Variants in AFF4 observed in about 807,000 individuals in gnomAD.
AFF4 encodes AF4/FMR2 family member 4.
Under a neutral mutation model 124.8 loss-of-function variants are expected in AFF4, and 13 were observed. The ratio of observed to expected loss-of-function variants is 0.10; its 90% CI spans 0.07 to 0.17. The LOEUF is 0.17. Among genes scored for constraint, AFF4 ranks in the 10% least tolerant of loss-of-function variants. The pLI, the probability that AFF4 is intolerant of heterozygous loss-of-function variation, is 1.00. For synonymous variants in AFF4, 477 were observed against 496.1 expected (o/e 0.96, Z 0.51); for missense variants, 1,092 against 1,403.8 (o/e 0.78, Z 3.55).
intron 1 of AFF4, among the ~76,000 whole-genome samples, chr5:132,940,745 G>T (rs956589841): frequency 2.0e-5 from 3 of 152,104 alleles, no homozygotes; most frequent in African/African-American, 7.2e-5. Flanking sequence ...GTAATAATTA[G>T]GTCGGGTGCT....
At chr5:132,929,907 T>A (rs1274573915) in intron 4 of AFF4, among the ~76,000 whole-genome samples, 1 of 152,170 alleles carries the variant, frequency 6.6e-6, no homozygotes, top group Non-Finnish European at 1.5e-5. Flanking sequence ...GCCTCTGTTA[T>A]AATTACTGAA....
At chr5:132,936,955 T>C in intron 2 of AFF4, 112 bp downstream of exon 2, 1 of 1,363,944 alleles carries the variant, frequency 7.3e-7, no homozygotes, top group African/African-American at 1.5e-5. Flanking sequence ...AAAAAAATGT[T>C]AAGTGGTATT....
intron 1 of AFF4, among the ~76,000 whole-genome samples, chr5:132,941,426 G>A (rs112426356): frequency 0.026 from 3,922 of 152,048 alleles, 169 homozygotes; most frequent in African/African-American, 0.086. Context: ...CTCAGACTCC[G>A]AGGTTCAAAT....
rs1581304989 is a variant in AFF4 at position 132,920,412 on chromosome 5, A to G, written c.1050+6709T>C. 2.0e-5 allele frequency among the ~76,000 whole-genome samples: 3 copies of G among 147,466 alleles called. No homozygotes were observed. The East Asian group carries it at 6.0e-4, about 30-fold the overall frequency. ...CACTCTGTCACCTAGGCTGGAGTGC[A>G]GTGGCATAATCATGACTCACTGCAG... On this transcript the variant is annotated intron_variant, in intron 5 of 20. Transcript: ENST00000265343.
At chr5:132,935,578 C>CT (rs994952797) in intron 2 of AFF4, among the ~76,000 whole-genome samples, 2 of 152,094 alleles carry the variant, frequency 1.3e-5, no homozygotes, top group African/African-American at 4.8e-5. Context: ...GGAGACCAGC[C>CT]TGGCCAACAT....
At chr5:132,881,705 T>C (rs1026377218) in intron 20 of AFF4, among the ~76,000 whole-genome samples, 1 of 152,212 alleles carries the variant, frequency 6.6e-6, no homozygotes, top group Non-Finnish European at 1.5e-5. Context: ...TTTTCATTTA[T>C]TTTTAGACAG....
At chr5:132,957,520 G>T (rs1399268088) in intron 1 of AFF4, among the ~76,000 whole-genome samples, 1 of 152,054 alleles carries the variant, frequency 6.6e-6, no homozygotes, top group South Asian at 2.1e-4. Flanking sequence ...ATCACCTGAG[G>T]TCAGGAGTTC....
rs1018113501 is a variant in AFF4, at chr5:132,875,591, A to G, written c.*5468T>C. 2.6e-5 allele frequency: 5 copies of G among 193,632 alleles called. No individual in the cohort carries two copies. In the East Asian group the frequency reaches 3.3e-4, roughly 13 times the overall value. The allele number at this position is 193,632 out of a possible 1,614,324, so 12.0% of individuals were successfully genotyped here. A position where few individuals can be genotyped will look rare whatever the true frequency, so the allele number is the denominator to read the frequency against. On this transcript the variant is annotated 3_prime_UTR_variant, in exon 21 of 21. Coordinates refer to ENST00000265343, the MANE Select transcript of AFF4 (RefSeq NM_014423.4). ...ACATTAAACGCATGTTTGACACTCTAAACTTTCTATACTCTCAATACCACA... is the reference window on the plus strand; with the variant it reads ...ACATTAAACGCATGTTTGACACTCTGAACTTTCTATACTCTCAATACCACA...
rs35127440 is a variant in AFF4 at position 132,939,767 on chromosome 5, C to T, written c.-4-2574G>A. Among the ~76,000 whole-genome samples the T allele has an allele frequency of 6.5e-3, 992 of 152,306 alleles. 17 individuals are homozygous for T. The highest frequency in any genetic ancestry group is 0.01 in the Non-Finnish European group (707 of 68,018). ...CTGGGATTACAGGCACCTGCCACCA[C>T]GCCCGGCTAATTTTTGTATTTTTAG... On this transcript the variant is annotated intron_variant, in intron 1 of 20. Transcript: ENST00000265343.
chr5:132,919,590 T>C (rs1055084054), intron 5 of AFF4, among the ~76,000 whole-genome samples: 2 of 152,110 alleles, frequency 1.3e-5, no homozygotes, highest in African/African-American at 4.8e-5. Context: ...TGGCTCATGC[T>C]TATAACTGTA....
chr5:132,957,688 T>C (rs747362962), intron 1 of AFF4, among the ~76,000 whole-genome samples: 2 of 152,002 alleles, frequency 1.3e-5, no homozygotes, highest in African/African-American at 2.4e-5. Context: ...GTTGAGATCA[T>C]GCCACTGTAC....
At chr5:132,960,279 GAA>G (rs1762054290) in intron 1 of AFF4, among the ~76,000 whole-genome samples, 1 of 152,070 alleles carries the variant, frequency 6.6e-6, no homozygotes, top group South Asian at 2.1e-4. Flanking sequence ...ATATCATATA[GAA>G]AAGTCTTCAT....
intron 4 of AFF4, among the ~76,000 whole-genome samples, chr5:132,930,065 G>A (rs970276494): frequency 4.6e-5 from 7 of 152,308 alleles, no homozygotes; most frequent in Admixed American, 4.6e-4. Flanking sequence ...GGAAAACGGT[G>A]TACTACTAAT....
rs2150061199 is a variant in AFF4, at chr5:132,880,653, C to T, written c.*406G>A. The T allele has an allele frequency of 3.2e-6, 1 of 315,338 alleles. No homozygotes were observed. The highest frequency in any genetic ancestry group is 1.6e-4 in the South Asian group (1 of 6,338). The allele number at this position is 315,338 out of a possible 1,614,324, so 19.5% of individuals were successfully genotyped here. A position where few individuals can be genotyped will look rare whatever the true frequency, so the allele number is the denominator to read the frequency against. ...TCCCAAGGTATATAAATAAAAATGT[C>T]TACATTAAATTTATGCTAAATATTC... On this transcript the variant is annotated 3_prime_UTR_variant, in exon 21 of 21. Coordinates refer to ENST00000265343, the MANE Select transcript of AFF4 (RefSeq NM_014423.4).
chr5:132,936,866 GT>G (rs1761444657), intron 2 of AFF4, among the ~76,000 whole-genome samples, 200 bp downstream of exon 2: 1 of 152,134 alleles, frequency 6.6e-6, no homozygotes, highest in African/African-American at 2.4e-5. Context: ...TAATACCTAT[GT>G]TGTGTATTTT....
chr5:132,961,278 T>C (rs1225123932), intron 1 of AFF4, among the ~76,000 whole-genome samples: 1 of 151,998 alleles, frequency 6.6e-6, no homozygotes, highest in Admixed American at 6.6e-5. Context: ...GCCTCTGGAG[T>C]AGCTGGGACT....
intron 5 of AFF4, among the ~76,000 whole-genome samples, chr5:132,904,918 G>A (rs59343304): frequency 0.015 from 2,232 of 151,832 alleles, 67 homozygotes; most frequent in African/African-American, 0.052. Flanking sequence ...GCGTGGTGGC[G>A]TGCACCTGTA....
At chr5:132,892,064 T>TA in intron 13 of AFF4, 100 bp downstream of exon 13, 1 of 1,540,504 alleles carries the variant, frequency 6.5e-7, no homozygotes, top group East Asian at 2.2e-5. Flanking sequence ...CCTATATATT[T>TA]ACTGAGATGT....
chr5:132,949,325 G>C (rs1761775102), intron 1 of AFF4, among the ~76,000 whole-genome samples: 1 of 147,292 alleles, frequency 6.8e-6, no homozygotes, highest in African/African-American at 2.5e-5. Context: ...GAGACTACAA[G>C]CATAAGCCAT....
Sources: allele counts gnomAD v4.1 joint callset (sites outside exome capture counted in the v4.1 genomes callset), GRCh38; gene constraint gnomAD v4.1.1; transcripts MANE v1.5; gene names NCBI Gene and HGNC (gene_info 2026-07-23, HGNC 2026-07-21).